SH2B1: variants seen among roughly 807,000 people sequenced by gnomAD.
The protein encoded by SH2B1 is SH2B adaptor protein 1, also known as SH2B adapter protein 1.
A neutral mutation model predicts 62.6 loss-of-function variants in SH2B1; 15 were observed. The ratio of observed to expected loss-of-function variants is 0.24; its 90% CI spans 0.16 to 0.37. The LOEUF is 0.37. Ranked by LOEUF, SH2B1 falls within the 10% of genes least tolerant of loss-of-function variation. SH2B1 has a pLI of 1.00. For synonymous variants in SH2B1, 443 were observed against 438.0 expected (o/e 1.01, Z -0.14); for missense variants, 925 against 1,015.6 (o/e 0.91, Z 1.21).
rs947055242 is a variant in SH2B1, at chr16:28,867,424, G to A, written c.1033G>A (p.Val345Met). 1 of 1,613,254 alleles carries A rather than the reference G, an allele frequency of 6.2e-7. No homozygotes were observed. Reference sequence around the variant, plus strand: ...GATGCCTGACCGGGAGAACACGTTTGTGGTTAAGGTAGGAATTCAACTTCC... The same window carrying A: ...GATGCCTGACCGGGAGAACACGTTTATGGTTAAGGTAGGAATTCAACTTCC... ...LEMPDRENTF[V>M]VKVEGPSEYI... Residue 345 changes from valine (V) to methionine (M), a missense_variant, in exon 2 of 8, where the codon GTG (valine) becomes ATG (methionine). By Grantham distance (21) the Val-to-Met change is conservative. Coordinates refer to ENST00000684370, the MANE Select transcript of SH2B1 (RefSeq NM_001387430.1).
chr16:28,863,700 G>C (rs578076482), upstream of SH2B1: 36 of 1,535,852 alleles, frequency 2.3e-5, no homozygotes, highest in African/African-American at 4.5e-4. Flanking sequence ...AGCCCTACGA[G>C]ATTCACACCG....
rs1342123218 is a variant in SH2B1 at position 28,852,391 on chromosome 16, T to TAC, written c.-301+5565_-301+5566insCA. ...ATATATATTTACATATATTTATATATATACATATATATTTACATATATATT... is the reference window on the plus strand; with the variant it reads ...ATATATATTTACATATATTTATATATACATACATATATATTTACATATATATT... On this transcript the variant is annotated intron_variant, in intron 1 of 10. Transcript: ENST00000322610. Among the ~76,000 whole-genome samples the TAC allele has an allele frequency of 2.1e-4, 16 of 77,154 alleles. 5 individuals carry two copies. The highest frequency in any genetic ancestry group is 3.1e-4 in the Non-Finnish European group (14 of 45,836). 50.6% of individuals were successfully genotyped at this position (77,154 alleles called of 152,430 possible). A position where few individuals can be genotyped will look rare whatever the true frequency, so the allele number is the denominator to read the frequency against.
chr16:28,871,672 T>G (rs1221082956), intron 4 of SH2B1, 108 bp from the exon 5 acceptor site: 2 of 859,224 alleles, frequency 2.3e-6, no homozygotes, highest in Non-Finnish European at 3.9e-6. Flanking sequence ...TTTGGCATCT[T>G]GGCCAGCGAC....
chr16:28,867,410 G>A lies in SH2B1; in HGVS notation c.1019G>A (p.Arg340Gln), dbSNP rs781056810. 1.4e-5 allele frequency: 22 copies of A among 1,613,722 alleles called. No individual in the cohort carries two copies. Among genetic ancestry groups the A allele is most frequent in the Middle Eastern group, 1.6e-4 (1 of 6,084 alleles). ...ACCACAGCCCTGGAGATGCCTGACC[G>A]GGAGAACACGTTTGTGGTTAAGGTA... ...RTTTALEMPD[R>Q]ENTFVVKVEG... is the part of the protein sequence containing the mutation. Residue 340 changes from arginine (R) to glutamine (Q), a missense_variant, in exon 2 of 8, where the codon CGG becomes CAG. By Grantham distance (43) the Arg-to-Gln change is conservative. Around this residue, in one of 3 missense-constraint regions of SH2B1, gnomAD observed 683 missense variants for 704.0 expected, o/e 0.97. Transcript: ENST00000684370.
At chr16:28,850,999 C>T (rs1472677775) in intron 1 of SH2B1, among the ~76,000 whole-genome samples, 1 of 151,520 alleles carries the variant, frequency 6.6e-6, no homozygotes, top group Admixed American at 6.6e-5. Context: ...ATGGTGAAAC[C>T]CGTCTCTACT....
chr16:28,854,906 C>T (rs1470479145), intron 1 of SH2B1, among the ~76,000 whole-genome samples: 8 of 152,138 alleles, frequency 5.3e-5, no homozygotes, highest in African/African-American at 1.7e-4. Flanking sequence ...GACAGAGTCT[C>T]GTTCTGTCGC....
intron 1 of SH2B1, among the ~76,000 whole-genome samples, chr16:28,852,785 C>CATAT (rs1211653870): frequency 4.8e-5 from 2 of 41,666 alleles, no homozygotes; most frequent in African/African-American, 1.8e-4. Flanking sequence ...TATATATTTA[C>CATAT]ATATATATTT....
In SH2B1 at chr16:28,866,020, G is replaced by A. The variant is rs992583034; in HGVS notation, c.-75G>A. ...CTCTCTTCCTTTCGCAGCTGCTGCC[G>A]CCCACCCCTCGTCTTCTGGCTGCCT... On this transcript the variant is annotated 5_prime_UTR_variant, in exon 1 of 8. Coordinates refer to ENST00000684370, the MANE Select transcript of SH2B1 (RefSeq NM_001387430.1). The surrounding 1 kb of genome is among the most constrained non-coding windows in gnomAD (Gnocchi z 6.3). 13 of 1,499,556 alleles carry A rather than the reference G, an allele frequency of 8.7e-6. No homozygotes were observed. Among genetic ancestry groups the A allele is most frequent in the Admixed American group, 2.3e-5 (1 of 44,392 alleles). 92.9% of individuals were successfully genotyped at this position (1,499,556 alleles called of 1,614,324 possible).
rs1234503430 is a variant in SH2B1 at position 28,873,603 on chromosome 16, G to T, written c.2054G>T (p.Gly685Val). 2 of 1,555,234 alleles carry T rather than the reference G, an allele frequency of 1.3e-6. No homozygotes were observed. The highest frequency in any genetic ancestry group is 1.4e-5 in the African/African-American group (1 of 73,126). ...KERQEKEKAG[G>V]GGVPEELVPV... Reference sequence around the variant, plus strand: ...AGGCAAGAGAAAGAGAAAGCGGGCGGTGGAGGGGTCCCGGAAGAGCTGGTC... The same window carrying T: ...AGGCAAGAGAAAGAGAAAGCGGGCGTTGGAGGGGTCCCGGAAGAGCTGGTC... Residue 685 changes from glycine (G) to valine (V), a missense_variant, in exon 8 of 8, where the codon GGT becomes GTT. Around this residue, in one of 3 missense-constraint regions of SH2B1, gnomAD observed 185 missense variants for 189.5 expected, o/e 0.98. Transcript: ENST00000684370. The surrounding 1 kb of genome is among the most constrained non-coding windows in gnomAD (Gnocchi z 4.2).
At chr16:28,852,692 T>A (rs1157885047) in intron 1 of SH2B1, among the ~76,000 whole-genome samples, 2 of 75,822 alleles carry the variant, frequency 2.6e-5, no homozygotes, top group Non-Finnish European at 4.6e-5. Flanking sequence ...ACATATATAT[T>A]TATATATATA....
chr16:28,868,945 G>A, intron 2 of SH2B1, 61 bp from the exon 3 acceptor site: 1 of 1,239,508 alleles, frequency 8.1e-7, no homozygotes. Context: ...GTTCTCATTA[G>A]GCATGGATTA....
At chr16:28,863,474 C>T (rs1471387398), upstream of SH2B1, 3 of 546,014 alleles carry the variant, frequency 5.5e-6, no homozygotes, top group South Asian at 4.7e-5. Flanking sequence ...TGCAGCGGGC[C>T]GTTCACACAG....
Position 28,866,338 on chromosome 16 carries a change from C to G in SH2B1, c.244C>G (p.Arg82Gly), listed in dbSNP as rs375583410. 6.2e-7 allele frequency: 1 copy of G among 1,612,420 alleles called. No homozygotes were observed. The highest frequency in any genetic ancestry group is 1.7e-5 in the Admixed American group (1 of 59,994). ...FLQHFEAEVARASGSLSPPIL... is the reference protein window; with the variant it reads ...FLQHFEAEVAGASGSLSPPIL... The stretch of plus-strand genomic sequence containing the variant: ...GCAGCACTTTGAAGCCGAGGTGGCC[C>G]GGGCCTCTGGCTCCCTGTCGCCACC... Residue 82 changes from arginine to glycine, a missense_variant, in exon 1 of 8, where the codon CGG becomes GGG. Transcript: ENST00000684370. The surrounding 1 kb of genome is among the most constrained non-coding windows in gnomAD (Gnocchi z 6.3).
At chr16:28,859,148 T>G (rs1962383390), upstream of SH2B1, among the ~76,000 whole-genome samples, 1 of 151,958 alleles carries the variant, frequency 6.6e-6, no homozygotes, top group Non-Finnish European at 1.5e-5. Flanking sequence ...TTCACCATGT[T>G]GCCCAGGCTG....
chr16:28,868,284 C>T (rs907478547), intron 2 of SH2B1, among the ~76,000 whole-genome samples: 2 of 151,970 alleles, frequency 1.3e-5, no homozygotes, highest in Admixed American at 6.6e-5. Flanking sequence ...GGACTACTGG[C>T]GTCCGCCACC....
At position 28,873,031 on chromosome 16, in the gene SH2B1, C is replaced by G. The variant is rs990407605; in HGVS notation, c.1897+326C>G. The G allele has an allele frequency of 3.1e-5, 21 of 678,510 alleles. No individual in the cohort carries two copies. In the African/African-American group the frequency reaches 3.3e-4, roughly 11 times the overall value. 42.0% of individuals were successfully genotyped at this position (678,510 alleles called of 1,614,324 possible). ...CCTCGTCTTTGCCCTCCGTCGCAGC[C>G]TGGCCTTGGGCCTGCCCTTCCCGGG... is the stretch of plus-strand genomic sequence containing the variant. On this transcript the variant is annotated intron_variant, in intron 7 of 7. Coordinates refer to ENST00000684370, the MANE Select transcript of SH2B1 (RefSeq NM_001387430.1). This position sits in a 1 kb window ranked among gnomAD's most constrained non-coding sequence, Gnocchi z 4.2.
At chr16:28,870,828 C>A (rs1962984748) in intron 4 of SH2B1, among the ~76,000 whole-genome samples, 1 of 152,006 alleles carries the variant, frequency 6.6e-6, no homozygotes. Flanking sequence ...GGACCACAGG[C>A]GTGTGCCACC....
At chr16:28,863,657 G>A, upstream of SH2B1, 1 of 1,532,680 alleles carries the variant, frequency 6.5e-7, no homozygotes, top group African/African-American at 1.4e-5. Flanking sequence ...TGCGTCTGTG[G>A]TCGCTTTTAG....
At position 28,852,384 on chromosome 16, in the gene SH2B1, TTA is replaced by T. The variant is rs560666599; in HGVS notation, c.-301+5566_-301+5567del. Among the ~76,000 whole-genome samples, 36 of 46,006 alleles carry T rather than the reference TTA, an allele frequency of 7.8e-4. 10 individuals carry two copies. Among genetic ancestry groups the T allele is most frequent in the Non-Finnish European group, 1.2e-3 (33 of 28,182 alleles). The allele number at this position is 46,006 out of a possible 152,430, so 30.2% of individuals were successfully genotyped here. On this transcript the variant is annotated intron_variant, in intron 1 of 10. Coordinates refer to the SH2B1 transcript ENST00000322610. ...TATATTTATATATATTTACATATATTTATATATATACATATATATTTACATAT... is the reference window on the plus strand; with the variant it reads ...TATATTTATATATATTTACATATATTTATATATACATATATATTTACATAT...
Sources: allele counts gnomAD v4.1 joint callset (sites outside exome capture counted in the v4.1 genomes callset), GRCh38; gene constraint gnomAD v4.1.1; regional missense constraint gnomAD v4.1.1; non-coding constraint Gnocchi (gnomAD v3.1); transcripts MANE v1.5; gene names NCBI Gene and HGNC (gene_info 2026-07-23, HGNC 2026-07-21).